Variants in MMAA observed in about 807,000 individuals in gnomAD.
MMAA encodes metabolism of cobalamin associated A, also known as methylmalonic aciduria type A protein, mitochondrial.
MMAA carries 41 observed loss-of-function variants against 45.0 expected under a neutral mutation model. The ratio of observed to expected loss-of-function variants is 0.91; its 90% CI spans 0.71 to 1.18. The LOEUF is 1.18. MMAA is among the 50% of genes most tolerant of loss of function. The pLI is 0.00. For synonymous variants in MMAA, 154 were observed against 178.2 expected, an observed-to-expected ratio of 0.86 and a Z score of 1.08; for missense variants, 460 against 495.7, an observed-to-expected ratio of 0.93 and a Z score of 0.68.
At position 145,657,592 on chromosome 4, in the gene MMAA, G is replaced by A. The variant is rs938097545; in HGVS notation, c.*2158G>A. The A allele has an allele frequency of 1.1e-4, 16 of 152,228 alleles. No homozygotes were observed. The highest frequency in any genetic ancestry group is 1.0e-3 in the Admixed American group (16 of 15,294). 9.4% of individuals were successfully genotyped at this position (152,228 alleles called of 1,614,324 possible). On this transcript the variant is annotated 3_prime_UTR_variant, in exon 7 of 7. Transcript: ENST00000649156. Reference sequence around the variant, plus strand: ...AAATTAAGATAATAGCTACTTTACAGGGTTGGAAGAATTAATTTAGAAATT... The same window carrying A: ...AAATTAAGATAATAGCTACTTTACAAGGTTGGAAGAATTAATTTAGAAATT...
rs776736707 is a variant in MMAA at position 145,642,502 on chromosome 4, C to A, written c.562+17C>A. The A allele has an allele frequency of 3.7e-6, 6 of 1,613,694 alleles. No homozygotes were observed. In the African/African-American group the frequency reaches 6.7e-5, roughly 18 times the overall value. On this transcript the variant is annotated intron_variant, in intron 3 of 6. Coordinates refer to ENST00000649156, the MANE Select transcript of MMAA (RefSeq NM_172250.3). The stretch of plus-strand genomic sequence containing the variant: ...CTAGTGGTGGTAAGTATGGCTGATT[C>A]TTTTTCAATTGCAGAGGTCTGGGGG...
chr4:145,641,362 C>T (rs769055338), intron 2 of MMAA, among the ~76,000 whole-genome samples: 2 of 152,130 alleles, frequency 1.3e-5, no homozygotes, highest in African/African-American at 2.4e-5. Context: ...ATAAACCTGT[C>T]TTTATTGCAG....
rs1302639197 is a variant in MMAA at position 145,639,280 on chromosome 4, T to C, written c.141T>C (p.Leu47=). The C allele has an allele frequency of 1.2e-6, 2 of 1,614,110 alleles. No homozygotes were observed. The highest frequency in any genetic ancestry group is 1.3e-5 in the African/African-American group (1 of 74,936). ...CATGTGCTCAGCCGTTTAATTCTCTTGGACTCCATTGTACAAAGTGGATGC... is the reference window on the plus strand; with the variant it reads ...CATGTGCTCAGCCGTTTAATTCTCTCGGACTCCATTGTACAAAGTGGATGC... ...GIPCAQPFNS[L]GLHCTKWMLL... Residue 47 remains leucine, a synonymous_variant, in exon 2 of 7, where the codon CTT becomes CTC. Transcript: ENST00000649156.
Position 145,655,257 on chromosome 4 carries a change from G to T in MMAA, c.1080G>T (p.Arg360=), listed in dbSNP as rs761525438. The T allele has an allele frequency of 3.1e-6, 5 of 1,614,166 alleles. No homozygotes were observed. Among genetic ancestry groups the T allele is most frequent in the Non-Finnish European group, 4.2e-6 (5 of 1,180,018 alleles). The change falls in exon 7 of 7, where the codon CGG becomes CGT. Residue 360 remains arginine (R), a synonymous_variant. Coordinates refer to ENST00000649156, the MANE Select transcript of MMAA (RefSeq NM_172250.3). ...LASGELTAKR[R]KQQKVWMWNL... ...GTGGGGAGCTGACTGCCAAACGACG[G>T]AAGCAACAGAAAGTTTGGATGTGGA...
intron 3 of MMAA, 38 bp from the exon 4 acceptor site, chr4:145,645,948 A>T (rs1727917493): frequency 6.2e-7 from 1 of 1,609,252 alleles, no homozygotes; most frequent in African/African-American, 1.3e-5. Flanking sequence ...GACCCGTAAA[A>T]CTGTTCCATG....
intron 1 of MMAA, among the ~76,000 whole-genome samples, chr4:145,620,102 A>G (rs1396537637): frequency 6.6e-6 from 1 of 152,246 alleles, no homozygotes; most frequent in Non-Finnish European, 1.5e-5. Context: ...AACTTGGTAG[A>G]AAGCCAAAAG....
At chr4:145,650,626 A>G (rs367825742) in intron 4 of MMAA, 138 of 174,324 alleles carry the variant, frequency 7.9e-4, no homozygotes, top group African/African-American at 3.0e-3. Context: ...TCACGTGCCT[A>G]TGGAGGAGAG....
At chr4:145,653,470 A>G (rs1728150979) in intron 5 of MMAA, among the ~76,000 whole-genome samples, 1 of 152,210 alleles carries the variant, frequency 6.6e-6, no homozygotes, top group African/African-American at 2.4e-5. Context: ...TACAAAGTAT[A>G]AAAATAAATA....
chr4:145,655,103 C>G (rs781447611), intron 6 of MMAA, 44 bp from the exon 7 acceptor site: 4 of 1,609,978 alleles, frequency 2.5e-6, no homozygotes, highest in Non-Finnish European at 3.4e-6. Context: ...AAAATTTTTT[C>G]TATCATTTTA....
chr4:145,644,167 GTTTTGGAAT>G (rs1389047506), intron 3 of MMAA, among the ~76,000 whole-genome samples: 4 of 152,158 alleles, frequency 2.6e-5, no homozygotes, highest in African/African-American at 9.7e-5. Context: ...ACAATTAACA[GTTTTGGAAT>G]TTCTGGCTAA....
Position 145,656,533 on chromosome 4 carries a change from C to T in MMAA, c.*1099C>T, listed in dbSNP as rs1728236654. ...GTTATGGGTATCTTGAAACTACAAACCTGATGTATAATTTCAGTTTTCTCT... is the reference window on the plus strand; with the variant it reads ...GTTATGGGTATCTTGAAACTACAAATCTGATGTATAATTTCAGTTTTCTCT... On this transcript the variant is annotated 3_prime_UTR_variant, in exon 7 of 7. Coordinates refer to ENST00000649156, the MANE Select transcript of MMAA (RefSeq NM_172250.3). The T allele has an allele frequency of 6.6e-6, 1 of 151,780 alleles. No individual in the cohort carries two copies. Among genetic ancestry groups the T allele is most frequent in the Non-Finnish European group, 1.5e-5 (1 of 68,016 alleles). 9.4% of individuals were successfully genotyped at this position (151,780 alleles called of 1,614,324 possible).
At chr4:145,646,281 C>A (rs1329783526) in intron 4 of MMAA, 125 bp downstream of exon 4, 5 of 1,040,786 alleles carry the variant, frequency 4.8e-6, no homozygotes, top group Non-Finnish European at 7.3e-6. Flanking sequence ...ACAAGATATC[C>A]CATACTCCCT....
chr4:145,654,022 C>T lies in MMAA; in HGVS notation c.848C>T (p.Ala283Val), dbSNP rs1728163719. Residue 283 changes from alanine (A) to valine (V), a missense_variant, in exon 6 of 7, where the codon GCA becomes GTA. Ala to Val is a moderately conservative substitution (Grantham distance 64, BLOSUM62 0). Transcript: ENST00000649156. ...ATCAAAAGGGGTATAATCGAGATGGCAGATCTGGTAGCTGTAACTAAATCT... is the reference window on the plus strand; with the variant it reads ...ATCAAAAGGGGTATAATCGAGATGGTAGATCTGGTAGCTGTAACTAAATCT... ...QGIKRGIIEM[A>V]DLVAVTKSDG... The T allele has an allele frequency of 6.2e-7, 1 of 1,614,134 alleles. No homozygotes were observed.
chr4:145,650,745 G>A (rs113673348), intron 4 of MMAA: 11 of 385,172 alleles, frequency 2.9e-5, no homozygotes, highest in African/African-American at 2.0e-4. Context: ...CAAGATTAGA[G>A]TCACAGTGTT....
intron 1 of MMAA, among the ~76,000 whole-genome samples, chr4:145,634,447 C>T (rs1727550814): frequency 6.6e-6 from 1 of 152,018 alleles, no homozygotes; most frequent in South Asian, 2.1e-4. Flanking sequence ...CAGGGACTTA[C>T]CCTTCAGGGC....
At chr4:145,640,965 C>G (rs560629279) in intron 2 of MMAA, among the ~76,000 whole-genome samples, 6 of 152,192 alleles carry the variant, frequency 3.9e-5, no homozygotes, top group Admixed American at 3.3e-4. Context: ...TACATTACAC[C>G]TTTGTCTCAC....
intron 1 of MMAA, among the ~76,000 whole-genome samples, chr4:145,622,017 G>A (rs1294943096): frequency 4.6e-5 from 7 of 152,160 alleles, no homozygotes; most frequent in Admixed American, 3.9e-4. Flanking sequence ...GAATTATGGT[G>A]TACATTCATT....
chr4:145,650,886 A>G (rs1728068933), intron 4 of MMAA, 176 bp from the exon 5 acceptor site: 1 of 658,718 alleles, frequency 1.5e-6, no homozygotes, highest in African/African-American at 1.8e-5. Context: ...GTTTGCTTAG[A>G]GGGTAAGATA....
At chr4:145,644,842 G>A (rs1188604217) in intron 3 of MMAA, among the ~76,000 whole-genome samples, 1 of 152,172 alleles carries the variant, frequency 6.6e-6, no homozygotes, top group Non-Finnish European at 1.5e-5. Flanking sequence ...GTGCATTGAA[G>A]GATGCTTATT....
Sources: allele counts gnomAD v4.1 joint callset (sites outside exome capture counted in the v4.1 genomes callset), GRCh38; gene constraint gnomAD v4.1.1; transcripts MANE v1.5; gene names NCBI Gene and HGNC (gene_info 2026-07-23, HGNC 2026-07-21).